ATP8A1: variants seen among roughly 807,000 people sequenced by gnomAD.
ATP8A1 encodes phospholipid-transporting ATPase IA.
Under a neutral mutation model 177.7 loss-of-function variants are expected in ATP8A1, and 90 were observed. That is an observed-to-expected ratio of 0.51 (90% confidence interval 0.43 to 0.60). The LOEUF (loss-of-function observed/expected upper bound fraction) is 0.60. Among genes scored for constraint, ATP8A1 ranks in the 20% least tolerant of loss-of-function variants. The pLI is 0.00. For missense variants in ATP8A1, 1,072 were observed against 1,392.8 expected (o/e 0.77, Z 3.67); for synonymous variants, 493 against 485.9 (o/e 1.01, Z -0.19).
chr4:42,548,938 G>T, intron 19 of ATP8A1, 75 bp downstream of exon 19: 2 of 1,170,960 alleles, frequency 1.7e-6, no homozygotes, highest in Non-Finnish European at 2.5e-6. Flanking sequence ...ATACTTTCTA[G>T]TTATTCAAAA....
At chr4:42,620,628 G>A (rs6857677) in intron 4 of ATP8A1, among the ~76,000 whole-genome samples, 34,311 of 152,072 alleles carry the variant, frequency 0.23, 4,345 homozygotes, top group Non-Finnish European at 0.29. Flanking sequence ...GCCTTGTTTG[G>A]ATTCTGACAG....
intron 35 of ATP8A1, among the ~76,000 whole-genome samples, chr4:42,417,012 A>G (rs1713319067): frequency 6.6e-6 from 1 of 152,166 alleles, no homozygotes; most frequent in Non-Finnish European, 1.5e-5. Flanking sequence ...TTACTAAGAA[A>G]ATGACTAGAT....
chr4:42,412,066 A>G lies in ATP8A1; in HGVS notation c.*850T>C, dbSNP rs576974148. 35 of 152,344 alleles carry G rather than the reference A, an allele frequency of 2.3e-4. No individual in the cohort carries two copies. Among genetic ancestry groups the G allele is most frequent in the African/African-American group, 7.9e-4 (33 of 41,584 alleles). The allele number at this position is 152,344 out of a possible 1,614,324, so 9.4% of individuals were successfully genotyped here. ...CTGCATTAGCCAGATTTTTAGAAAA[A>G]TCTAAATGATGATGAAACTTCATCA... is the stretch of plus-strand genomic sequence containing the variant. On this transcript the variant is annotated 3_prime_UTR_variant, in exon 37 of 37. Transcript: ENST00000381668.
chr4:42,519,024 C>G (rs1373012089), intron 22 of ATP8A1, among the ~76,000 whole-genome samples: 3 of 152,168 alleles, frequency 2.0e-5, no homozygotes, highest in African/African-American at 7.2e-5. Flanking sequence ...CTCCTATGAT[C>G]ACAGTTAATG....
chr4:42,572,343 C>A (rs1168005868), intron 14 of ATP8A1, among the ~76,000 whole-genome samples: 1 of 152,190 alleles, frequency 6.6e-6, no homozygotes, highest in Middle Eastern at 3.2e-3. Flanking sequence ...GAAATCTACA[C>A]AGAAAAGTGC....
In ATP8A1 at chr4:42,637,659, A is replaced by G. The variant is rs529083724; in HGVS notation, c.50-10550T>C. Among the ~76,000 whole-genome samples the G allele has an allele frequency of 1.9e-4, 29 of 152,358 alleles. No homozygotes were observed. The South Asian group carries it at 6.0e-3, about 32-fold the overall frequency. On this transcript the variant is annotated intron_variant, in intron 1 of 36. Transcript: ENST00000381668. ...GGCAAGACAACATTTGGAAACTGAT[A>G]AAGTCCAACCCATATCTAAAGCTCT...
intron 25 of ATP8A1, among the ~76,000 whole-genome samples, chr4:42,483,861 G>T (rs1415975150): frequency 1.3e-5 from 2 of 152,190 alleles, no homozygotes; most frequent in African/African-American, 4.8e-5. Flanking sequence ...ATGAAGGAGA[G>T]CAGGTATCAA....
At chr4:42,555,484 T>C (rs916888308) in intron 16 of ATP8A1, among the ~76,000 whole-genome samples, 10 of 152,128 alleles carry the variant, frequency 6.6e-5, no homozygotes, top group Non-Finnish European at 1.2e-4. Flanking sequence ...CATGAATTAA[T>C]GTTGGCCAAG....
At chr4:42,561,538 C>T (rs1730834468) in intron 15 of ATP8A1, 1 of 152,300 alleles carries the variant, frequency 6.6e-6, no homozygotes, top group African/African-American at 2.4e-5. Flanking sequence ...AAACTGATCT[C>T]TGTAGTTACA....
At chr4:42,415,711 CT>C (rs1577886631) in intron 35 of ATP8A1, among the ~76,000 whole-genome samples, 2 of 152,136 alleles carry the variant, frequency 1.3e-5, no homozygotes, top group East Asian at 1.9e-4. Flanking sequence ...AAATTTCCAT[CT>C]TGTGTTTTTC....
intron 15 of ATP8A1, among the ~76,000 whole-genome samples, chr4:42,562,888 C>G (rs1031282476): frequency 6.6e-6 from 1 of 152,200 alleles, no homozygotes; most frequent in Non-Finnish European, 1.5e-5. Flanking sequence ...TACCCAGCCA[C>G]GTGGAACTGT....
chr4:42,465,794 A>T (rs1278332778), intron 25 of ATP8A1, among the ~76,000 whole-genome samples: 1 of 152,206 alleles, frequency 6.6e-6, no homozygotes, highest in Non-Finnish European at 1.5e-5. Flanking sequence ...GCACTTTGGG[A>T]GGCCAAGGCA....
chr4:42,611,041 G>A (rs1418205333), intron 5 of ATP8A1, among the ~76,000 whole-genome samples: 1 of 152,222 alleles, frequency 6.6e-6, no homozygotes, highest in Non-Finnish European at 1.5e-5. Context: ...CCGCCTTGTT[G>A]TTAGTAGGTC....
intron 20 of ATP8A1, among the ~76,000 whole-genome samples, chr4:42,539,632 A>G (rs1728189493): frequency 6.6e-6 from 1 of 152,102 alleles, no homozygotes. Flanking sequence ...CCAGAAATAA[A>G]GTCACATATT....
chr4:42,650,363 C>T (rs1740962900), intron 1 of ATP8A1, among the ~76,000 whole-genome samples: 1 of 152,178 alleles, frequency 6.6e-6, no homozygotes, highest in African/African-American at 2.4e-5. Flanking sequence ...AAACTGAACT[C>T]ATCTCCATAC....
intron 33 of ATP8A1, among the ~76,000 whole-genome samples, chr4:42,441,348 A>G (rs772765790): frequency 1.3e-5 from 2 of 151,962 alleles, no homozygotes; most frequent in Non-Finnish European, 2.9e-5. Flanking sequence ...TTATATATGT[A>G]TGTATATATA....
chr4:42,445,204 G>T (rs1717078943), intron 31 of ATP8A1, among the ~76,000 whole-genome samples: 1 of 152,158 alleles, frequency 6.6e-6, no homozygotes, highest in Non-Finnish European at 1.5e-5. Flanking sequence ...AGGAAACTGG[G>T]GTTGGATTAA....
chr4:42,610,010 C>T (rs1052390060), intron 5 of ATP8A1, among the ~76,000 whole-genome samples: 2 of 152,090 alleles, frequency 1.3e-5, no homozygotes, highest in African/African-American at 4.8e-5. Context: ...CTCATGTCTT[C>T]CCACTTCCAC....
intron 4 of ATP8A1, 133 bp downstream of exon 4, chr4:42,624,403 C>T (rs1737817574): frequency 2.1e-6 from 1 of 474,028 alleles, no homozygotes; most frequent in East Asian, 3.5e-5. Flanking sequence ...GGAACATATT[C>T]TAGACATTTT....
Sources: gnomAD v4.1 joint callset for allele counts (sites outside exome capture counted in the v4.1 genomes callset) on GRCh38, gnomAD v4.1.1 for gene constraint, MANE v1.5 for transcripts, NCBI Gene and HGNC (gene_info 2026-07-23, HGNC 2026-07-21) for gene names.